NALF1: variants seen among roughly 807,000 people sequenced by gnomAD.
NALF1 encodes the protein NALCN channel auxiliary factor 1, also known as family with sequence similarity 155 member A.
In NALF1, 3 loss-of-function variants were observed where a neutral mutation model predicts 48.4. The observed-to-expected ratio is 0.06, with a 90% CI of 0.03 to 0.16. The LOEUF is 0.16. Ranked by LOEUF, NALF1 falls within the 10% of genes least tolerant of loss-of-function variation. The pLI, the probability that NALF1 is intolerant of heterozygous loss-of-function variation, is 1.00. For missense variants in NALF1, 526 were observed against 571.5 expected (o/e 0.92, Z 0.81); for synonymous variants, 262 against 245.7 (o/e 1.07, Z -0.62).
chr13:107,860,290 T>C (rs1880536627), intron 1 of NALF1, among the ~76,000 whole-genome samples: 1 of 152,204 alleles, frequency 6.6e-6, no homozygotes, highest in Admixed American at 6.5e-5. Flanking sequence ...TATGTCTTAC[T>C]GCCATTACCA....
At chr13:107,340,466 C>CTTTCTTTCT (rs201495618) in intron 1 of NALF1, among the ~76,000 whole-genome samples, 3 of 101,780 alleles carry the variant, frequency 2.9e-5, no homozygotes, top group East Asian at 2.8e-4. Flanking sequence ...TTCTTTCTTT[C>CTTTCTTTCT]TTCTCTCTTT....
intron 1 of NALF1, among the ~76,000 whole-genome samples, chr13:107,310,700 T>C (rs1309512201): frequency 1.3e-5 from 2 of 151,996 alleles, no homozygotes; most frequent in Non-Finnish European, 2.9e-5. Flanking sequence ...TTATTTTAGA[T>C]GGAGTCTCAC....
intron 1 of NALF1, among the ~76,000 whole-genome samples, chr13:107,624,196 G>A (rs931321326): frequency 6.6e-6 from 1 of 152,126 alleles, no homozygotes; most frequent in African/African-American, 2.4e-5. Flanking sequence ...CTACACACAA[G>A]AAAATGGTAG....
chr13:107,756,294 C>T (rs908941978), intron 1 of NALF1, among the ~76,000 whole-genome samples: 1 of 152,030 alleles, frequency 6.6e-6, no homozygotes, highest in Admixed American at 6.5e-5. Context: ...TTCAGAGTGA[C>T]ACCTGAATTC....
chr13:107,378,602 G>C (rs1328396515), intron 1 of NALF1, among the ~76,000 whole-genome samples: 1 of 152,060 alleles, frequency 6.6e-6, no homozygotes, highest in East Asian at 1.9e-4. Context: ...TAAATACTAT[G>C]AGATTTTGTC....
At chr13:107,270,283 C>A (rs1881134524) in intron 1 of NALF1, among the ~76,000 whole-genome samples, 1 of 151,932 alleles carries the variant, frequency 6.6e-6, no homozygotes, top group Admixed American at 6.6e-5. Flanking sequence ...TCCTAAAGAC[C>A]AATTTTACTG....
chr13:107,863,377 C>A (rs1285220807), intron 1 of NALF1, among the ~76,000 whole-genome samples: 1 of 152,118 alleles, frequency 6.6e-6, no homozygotes, highest in African/African-American at 2.4e-5. Flanking sequence ...TCCCTTTCTA[C>A]ATATAACCAA....
chr13:107,434,918 C>T (rs752751101), intron 1 of NALF1, among the ~76,000 whole-genome samples: 1 of 152,132 alleles, frequency 6.6e-6, no homozygotes, highest in Non-Finnish European at 1.5e-5. Context: ...ACAGTGACAT[C>T]CCCTGGCTAT....
intron 1 of NALF1, among the ~76,000 whole-genome samples, chr13:107,838,649 T>G (rs1566501992): frequency 2.6e-5 from 4 of 152,032 alleles, no homozygotes; most frequent in Non-Finnish European, 5.9e-5. Flanking sequence ...GAAAAGTGCT[T>G]TAGAGATCTG....
At position 107,359,355 on chromosome 13, in the gene NALF1, T is replaced by C. The variant is rs373501229; in HGVS notation, c.916-148600A>G. On this transcript the variant is annotated intron_variant, in intron 1 of 2. Coordinates refer to ENST00000375915, the MANE Select transcript of NALF1 (RefSeq NM_001080396.3). The stretch of plus-strand genomic sequence containing the variant: ...CAGACTCTTGAGGTCTGAGATACTA[T>C]GGTCTTTGCCTTCCCTTCCCTCAAT... Among the ~76,000 whole-genome samples the C allele has an allele frequency of 5.9e-5, 9 of 152,058 alleles. No individual in the cohort carries two copies. The South Asian group carries it at 1.5e-3, about 25-fold the overall frequency.
rs138345046 is a variant in NALF1 at position 107,236,151 on chromosome 13, G to A, written c.916-25396C>T. ...GGAAAGGCTGGCGTAGGCAGACTGC[G>A]GTCCCTATGGCCTGCTATTGTTGGT... On this transcript the variant is annotated intron_variant, in intron 1 of 2. Transcript: ENST00000375915. 2.8e-3 allele frequency among the ~76,000 whole-genome samples: 423 copies of A among 152,184 alleles called. 1 individual carries two copies. The highest frequency in any genetic ancestry group is 9.8e-3 in the African/African-American group (406 of 41,514).
intron 1 of NALF1, among the ~76,000 whole-genome samples, chr13:107,355,363 C>T (rs1388034133): frequency 2.6e-5 from 4 of 152,180 alleles, no homozygotes; most frequent in Admixed American, 2.0e-4. Context: ...TGGTCTCTAA[C>T]TCTAGTTTGA....
chr13:107,783,971 C>T (rs375918313), intron 1 of NALF1, among the ~76,000 whole-genome samples: 40 of 152,130 alleles, frequency 2.6e-4, no homozygotes, highest in African/African-American at 9.2e-4. Context: ...GCTGAGCTCC[C>T]GGGAGGCAGT....
In NALF1 at chr13:107,865,752, A is replaced by G; in HGVS notation, c.845T>C (p.Phe282Ser). The change falls in exon 1 of 3, where the codon TTT becomes TCT. Residue 282 changes from phenylalanine to serine, a missense_variant. Physicochemically the swap from Phe to Ser is radical, Grantham distance 155 (BLOSUM62 -2). Transcript: ENST00000375915. ...DHHAQEKYEE[F>S]ESVLHKYLQS... is the part of the protein sequence containing the mutation. ...TAAATATTTGTGGAGCACGCTTTCAAACTCTTCGTATTTCTCCTGAGCATG... is the reference window on the plus strand; with the variant it reads ...TAAATATTTGTGGAGCACGCTTTCAGACTCTTCGTATTTCTCCTGAGCATG... 1 of 1,614,062 alleles carries G rather than the reference A, an allele frequency of 6.2e-7. No homozygotes were observed. The highest frequency in any genetic ancestry group is 8.5e-7 in the Non-Finnish European group (1 of 1,180,022).
rs185483450 is a variant in NALF1 at position 107,849,835 on chromosome 13, T to G, written c.915+15847A>C. Among the ~76,000 whole-genome samples, 22 of 152,286 alleles carry G rather than the reference T, an allele frequency of 1.4e-4. No homozygotes were observed. In the East Asian group the frequency reaches 4.2e-3, roughly 29 times the overall value. The stretch of plus-strand genomic sequence containing the variant: ...TTAGACAAAAATAATCAAGAAACAA[T>G]GCCTATCTTTAAGAGTACTCTCAAA... On this transcript the variant is annotated intron_variant, in intron 1 of 2. Coordinates refer to ENST00000375915, the MANE Select transcript of NALF1 (RefSeq NM_001080396.3).
intron 1 of NALF1, among the ~76,000 whole-genome samples, chr13:107,580,190 C>T (rs1012486855): frequency 6.6e-6 from 1 of 152,092 alleles, no homozygotes; most frequent in Non-Finnish European, 1.5e-5. Flanking sequence ...AGCAAACTAT[C>T]ACAAGAACAA....
At chr13:107,728,225 A>G (rs527471242) in intron 1 of NALF1, among the ~76,000 whole-genome samples, 1 of 152,340 alleles carries the variant, frequency 6.6e-6, no homozygotes, top group Non-Finnish European at 1.5e-5. Context: ...ATAAAGACAC[A>G]TGCCCATGTA....
intron 2 of NALF1, among the ~76,000 whole-genome samples, chr13:107,178,635 T>A (rs557997732): frequency 6.6e-4 from 100 of 152,236 alleles, no homozygotes; most frequent in Non-Finnish European, 1.1e-3. Context: ...GAGAAAAGTA[T>A]GGAGGTTCCT....
chr13:107,676,394 T>C (rs2138490479), intron 1 of NALF1, among the ~76,000 whole-genome samples: 1 of 152,150 alleles, frequency 6.6e-6, no homozygotes, highest in East Asian at 1.9e-4. Flanking sequence ...GGAAGAAAAA[T>C]CCACAGCATG....
Sources: gnomAD v4.1 joint callset for allele counts (sites outside exome capture counted in the v4.1 genomes callset) on GRCh38, gnomAD v4.1.1 for gene constraint, MANE v1.5 for transcripts, NCBI Gene and HGNC (gene_info 2026-07-23, HGNC 2026-07-21) for gene names.